GLIS3: variants seen among roughly 807,000 people sequenced by gnomAD.
GLIS3 encodes GLIS family zinc finger 3, also known as zinc finger protein GLIS3.
GLIS3 carries 53 observed loss-of-function variants against 78.6 expected under a neutral mutation model. The observed-to-expected ratio is 0.67, with a 90% CI of 0.54 to 0.85. The LOEUF is 0.85. Among genes scored for constraint, GLIS3 ranks in the 40% least tolerant of loss-of-function variants. The pLI is 0.00. For missense variants in GLIS3, 1,703 were observed against 1,231.1 expected (o/e 1.38, Z -5.74); for synonymous variants, 684 against 509.9 (o/e 1.34, Z -4.60).
In GLIS3 at chr9:4,343,341, C is replaced by CAACAA. The variant is rs1022003118; in HGVS notation, n.264+3735_264+3739dup. On this transcript the variant is annotated intron_variant and non_coding_transcript_variant, in intron 2 of 4. Transcript: ENST00000471664. ...TGGGCAACAGAGCTAGCACCTGTCT[C>CAACAA]AACAAAACAAAACAAAACAATGAGA... 3.5e-3 allele frequency among the ~76,000 whole-genome samples: 535 copies of CAACAA among 152,172 alleles called. 3 individuals carry two copies. Among genetic ancestry groups the CAACAA allele is most frequent in the African/African-American group, 0.012 (497 of 41,510 alleles).
chr9:4,400,619 T>C, the GLIS3 span, among the ~76,000 whole-genome samples: 1 of 152,240 alleles, frequency 6.6e-6, no homozygotes, highest in African/African-American at 2.4e-5. Flanking sequence ...TAGATTAATT[T>C]CCCTTACTTC....
intron 4 of GLIS3, among the ~76,000 whole-genome samples, chr9:3,981,754 T>C (rs1427320463): frequency 6.6e-6 from 1 of 152,192 alleles, no homozygotes; most frequent in Non-Finnish European, 1.5e-5. Context: ...GAAGACATCA[T>C]ACTAATACTT....
At chr9:4,089,565 C>A (rs1183901509) in intron 4 of GLIS3, among the ~76,000 whole-genome samples, 1 of 152,098 alleles carries the variant, frequency 6.6e-6, no homozygotes, top group Admixed American at 6.6e-5. Context: ...GTGGCTCACA[C>A]CTGTAATCCC....
At chr9:3,940,758 C>T (rs1279926274) in intron 4 of GLIS3, among the ~76,000 whole-genome samples, 1 of 152,134 alleles carries the variant, frequency 6.6e-6, no homozygotes, top group East Asian at 1.9e-4. Context: ...GGAAAAGGGG[C>T]GTGGTGTGCA....
chr9:4,379,195 C>T, the GLIS3 span, among the ~76,000 whole-genome samples: 2,375 of 152,170 alleles, frequency 0.016, 59 homozygotes, highest in African/African-American at 0.054. Context: ...TCCTATCCAG[C>T]CTGTCACCAC....
At chr9:4,375,541 G>C in the GLIS3 span, among the ~76,000 whole-genome samples, 7 of 152,248 alleles carry the variant, frequency 4.6e-5, no homozygotes, top group African/African-American at 1.7e-4. Context: ...TTGTGCAATG[G>C]TACCATCTTG....
the GLIS3 span, among the ~76,000 whole-genome samples, chr9:4,395,471 G>A: frequency 2.0e-5 from 3 of 152,284 alleles, no homozygotes; most frequent in East Asian, 3.9e-4. Flanking sequence ...ACCTGGTGGT[G>A]TCTGCTACCC....
At chr9:4,438,371 C>A in the GLIS3 span, among the ~76,000 whole-genome samples, 1 of 152,022 alleles carries the variant, frequency 6.6e-6, no homozygotes, top group Non-Finnish European at 1.5e-5. Flanking sequence ...TAATTAAAAG[C>A]AATTAAAGGC....
At chr9:4,248,659 C>T (rs986418358) in intron 2 of GLIS3, among the ~76,000 whole-genome samples, 8 of 152,170 alleles carry the variant, frequency 5.3e-5, no homozygotes, top group African/African-American at 7.2e-5. Flanking sequence ...CTTGAGGAAT[C>T]GCCACACTGT....
intron 2 of GLIS3, among the ~76,000 whole-genome samples, chr9:4,204,054 C>G (rs577998464): frequency 6.6e-6 from 1 of 151,988 alleles, no homozygotes; most frequent in Non-Finnish European, 1.5e-5. Flanking sequence ...CACAATATAC[C>G]CAGGTAACAA....
At chr9:3,837,738 A>G (rs1818440753) in intron 9 of GLIS3, among the ~76,000 whole-genome samples, 1 of 152,210 alleles carries the variant, frequency 6.6e-6, no homozygotes, top group Non-Finnish European at 1.5e-5. Flanking sequence ...AATTATAGAG[A>G]CAGTATAAGT....
intron 7 of GLIS3, among the ~76,000 whole-genome samples, chr9:3,894,614 TAAG>T (rs59703115): frequency 0.015 from 2,269 of 152,242 alleles, 49 homozygotes; most frequent in African/African-American, 0.052. Flanking sequence ...CACCTCCCAG[TAAG>T]GAGGGTAAAG....
chr9:4,286,621 C>T, intron 1 of GLIS3, 98 bp from the exon 2 acceptor site: 2 of 671,212 alleles, frequency 3.0e-6, no homozygotes, highest in Admixed American at 4.9e-5. Flanking sequence ...GGAAGAAAAG[C>T]AGCACTCTTA....
chr9:4,235,397 G>C (rs1405240375), intron 2 of GLIS3, among the ~76,000 whole-genome samples: 1 of 151,774 alleles, frequency 6.6e-6, no homozygotes, highest in African/African-American at 2.4e-5. Context: ...TCATGCATGT[G>C]CCACCGCTTA....
chr9:4,428,045 C>T, the GLIS3 span, among the ~76,000 whole-genome samples: 2 of 151,678 alleles, frequency 1.3e-5, no homozygotes, highest in East Asian at 3.9e-4. Context: ...AAGAAATTTC[C>T]AGTGCCGGGA....
intron 2 of GLIS3, among the ~76,000 whole-genome samples, chr9:4,326,229 G>A (rs1410282731): frequency 6.6e-6 from 1 of 152,154 alleles, no homozygotes; most frequent in South Asian, 2.1e-4. Flanking sequence ...AGAAAAAATA[G>A]TCTGTTGAAG....
chr9:4,414,794 G>C, the GLIS3 span, among the ~76,000 whole-genome samples: 9 of 151,870 alleles, frequency 5.9e-5, no homozygotes, highest in East Asian at 1.8e-3. Context: ...TGTCCAATTT[G>C]GTTTCTCATC....
intron 2 of GLIS3, among the ~76,000 whole-genome samples, chr9:4,278,997 A>G (rs10814911): frequency 0.31 from 46,811 of 152,000 alleles, 7,329 homozygotes; most frequent in African/African-American, 0.35. Flanking sequence ...CAACTCACCT[A>G]AACTCTTTAA....
intron 4 of GLIS3, among the ~76,000 whole-genome samples, chr9:4,081,768 A>T (rs1828570750): frequency 6.6e-6 from 1 of 152,226 alleles, no homozygotes; most frequent in African/African-American, 2.4e-5. Flanking sequence ...GCACTGCAGT[A>T]CAATTCTATC....
Sources: allele counts gnomAD v4.1 joint callset (sites outside exome capture counted in the v4.1 genomes callset), GRCh38; gene constraint gnomAD v4.1.1; transcripts MANE v1.5; gene names NCBI Gene and HGNC (gene_info 2026-07-23, HGNC 2026-07-21).